Variants in ASTN2 observed in about 807,000 individuals in gnomAD.
ASTN2 encodes astrotactin-2.
ASTN2 carries 54 observed loss-of-function variants against 139.8 expected under a neutral mutation model. That is an observed-to-expected ratio of 0.39 (90% CI 0.31 to 0.48). The LOEUF (loss-of-function observed/expected upper bound fraction) is 0.48. ASTN2 is among the 20% of genes least tolerant of loss of function. The pLI is 0.95. For synonymous variants in ASTN2, 756 were observed against 719.5 expected, an observed-to-expected ratio of 1.05 and a Z score of -0.81; for missense variants, 1,565 against 1,725.1, an observed-to-expected ratio of 0.91 and a Z score of 1.64.
Position 117,141,359 on chromosome 9 carries a change from C to T in ASTN2, c.1135G>A (p.Ala379Thr), listed in dbSNP as rs549286321. The stretch of plus-strand genomic sequence containing the variant: ...TTGCTCCTCCGCTTCCTCTTCCCTG[C>T]CGATGTGCTGCGCAGGGGTGGTTGC... ...QLQPPLRSTS[A>T]GKRKRRSKSR... Residue 379 changes from alanine (A) to threonine (T), a missense_variant, in exon 4 of 23, where the codon GCA becomes ACA. Transcript: ENST00000313400. The T allele has an allele frequency of 4.8e-5, 66 of 1,367,372 alleles. No individual in the cohort carries two copies. The highest frequency in any genetic ancestry group is 6.3e-5 in the Non-Finnish European group (64 of 1,021,816). 84.7% of individuals were successfully genotyped at this position (1,367,372 alleles called of 1,614,324 possible).
At chr9:116,657,332 T>G (rs1334858707) in intron 16 of ASTN2, among the ~76,000 whole-genome samples, 2 of 152,218 alleles carry the variant, frequency 1.3e-5, no homozygotes, top group Non-Finnish European at 2.9e-5. Context: ...AGTTAAGCAC[T>G]CAATAAATAT....
chr9:116,553,926 T>C (rs147112659), intron 19 of ASTN2, among the ~76,000 whole-genome samples: 1 of 152,318 alleles, frequency 6.6e-6, no homozygotes, highest in Non-Finnish European at 1.5e-5. Context: ...GGTGGATGCA[T>C]CTAAAGGTGT....
intron 2 of ASTN2, among the ~76,000 whole-genome samples, chr9:117,274,005 G>C (rs1199387927): frequency 1.3e-5 from 2 of 152,248 alleles, no homozygotes; most frequent in East Asian, 3.9e-4. Context: ...GACCCTAATT[G>C]TTATCTCCCA....
intron 19 of ASTN2, among the ~76,000 whole-genome samples, chr9:116,492,160 C>T (rs1038518536): frequency 6.6e-6 from 1 of 151,558 alleles, no homozygotes; most frequent in Non-Finnish European, 1.5e-5. Context: ...CAGCTCACTG[C>T]AACTTCCACC....
At chr9:117,274,671 G>A (rs902738522) in intron 2 of ASTN2, among the ~76,000 whole-genome samples, 2 of 152,196 alleles carry the variant, frequency 1.3e-5, no homozygotes, top group Non-Finnish European at 2.9e-5. Flanking sequence ...TCGTATAGGT[G>A]AGTTACCAAG....
At chr9:117,005,707 G>C (rs925346978) in intron 7 of ASTN2, among the ~76,000 whole-genome samples, 1 of 151,932 alleles carries the variant, frequency 6.6e-6, no homozygotes, top group African/African-American at 2.4e-5. Context: ...AACTTAAAGT[G>C]ACCCATATCC....
chr9:116,470,947 T>A (rs1848793263), intron 20 of ASTN2, among the ~76,000 whole-genome samples: 1 of 152,172 alleles, frequency 6.6e-6, no homozygotes, highest in African/African-American at 2.4e-5. Flanking sequence ...GTTATAACTC[T>A]AAGACGATGT....
At chr9:116,885,576 G>A (rs902678632) in intron 10 of ASTN2, among the ~76,000 whole-genome samples, 1 of 152,138 alleles carries the variant, frequency 6.6e-6, no homozygotes, top group Non-Finnish European at 1.5e-5. Context: ...TGAGGCAGGG[G>A]AATCTCTTGA....
At chr9:117,401,582 C>T (rs532782517) in intron 1 of ASTN2, among the ~76,000 whole-genome samples, 1 of 152,316 alleles carries the variant, frequency 6.6e-6, no homozygotes, top group East Asian at 1.9e-4. Context: ...GAAGACATCA[C>T]TCTGGCTACT....
chr9:116,512,623 T>C (rs1850446844), intron 19 of ASTN2, among the ~76,000 whole-genome samples: 1 of 152,194 alleles, frequency 6.6e-6, no homozygotes, highest in African/African-American at 2.4e-5. Context: ...CTCACTATTA[T>C]TATATGGGAG....
chr9:117,225,040 G>A (rs549514581), intron 2 of ASTN2, among the ~76,000 whole-genome samples: 1 of 152,110 alleles, frequency 6.6e-6, no homozygotes, highest in Non-Finnish European at 1.5e-5. Flanking sequence ...TGTATTTATT[G>A]TATTTCTACA....
intron 5 of ASTN2, among the ~76,000 whole-genome samples, chr9:117,062,981 G>C (rs1368597623): frequency 6.6e-6 from 1 of 152,158 alleles, no homozygotes; most frequent in South Asian, 2.1e-4. Context: ...CACCAGAGCA[G>C]AGATTAGGTA....
intron 5 of ASTN2, among the ~76,000 whole-genome samples, chr9:117,052,434 TA>T (rs1266282770): frequency 1.3e-3 from 175 of 137,232 alleles, no homozygotes; most frequent in African/African-American, 1.8e-3. Context: ...GACTCCATCT[TA>T]AAAAAAAAAA....
rs115273990 is a variant in ASTN2, at chr9:116,938,391, C to A, written c.1889+36817G>T. On this transcript the variant is annotated intron_variant, in intron 10 of 22. Transcript: ENST00000313400. ...ATGGTGGAGACTTTTCCTTGTTACT[C>A]TAAAAATACACCCTCCGAAATCATG... is the stretch of plus-strand genomic sequence containing the variant. Among the ~76,000 whole-genome samples, 272 of 152,278 alleles carry A rather than the reference C, an allele frequency of 1.8e-3. 2 individuals carry two copies. Among genetic ancestry groups the A allele is most frequent in the African/African-American group, 6.2e-3 (258 of 41,554 alleles).
chr9:116,623,919 T>C (rs1856305399), intron 17 of ASTN2, among the ~76,000 whole-genome samples: 1 of 152,114 alleles, frequency 6.6e-6, no homozygotes, highest in Admixed American at 6.6e-5. Flanking sequence ...ATGTGTTGTT[T>C]GCATGCGTAT....
intron 1 of ASTN2, among the ~76,000 whole-genome samples, chr9:117,300,944 T>A (rs1834861094): frequency 6.6e-6 from 1 of 152,124 alleles, no homozygotes; most frequent in African/African-American, 2.4e-5. Context: ...CATTACCACC[T>A]CCTTTGGGAA....
At chr9:117,129,955 T>C (rs963552543) in intron 4 of ASTN2, among the ~76,000 whole-genome samples, 1 of 152,178 alleles carries the variant, frequency 6.6e-6, no homozygotes, top group African/African-American at 2.4e-5. Context: ...AAACTTTGTG[T>C]CCTTATGCTT....
chr9:117,373,602 G>C (rs1359220746), intron 1 of ASTN2, among the ~76,000 whole-genome samples: 1 of 152,174 alleles, frequency 6.6e-6, no homozygotes. Context: ...ATTATCAAGA[G>C]TTCATAGAAG....
At chr9:116,659,091 T>G (rs1588152270) in intron 16 of ASTN2, among the ~76,000 whole-genome samples, 1 of 152,222 alleles carries the variant, frequency 6.6e-6, no homozygotes, top group South Asian at 2.1e-4. Flanking sequence ...CTTTTGAGCA[T>G]ACTTGTTTTC....
Sources: allele counts gnomAD v4.1 joint callset (sites outside exome capture counted in the v4.1 genomes callset), GRCh38; gene constraint gnomAD v4.1.1; transcripts MANE v1.5; gene names NCBI Gene and HGNC (gene_info 2026-07-23, HGNC 2026-07-21).